Variants in RYR3 observed in about 807,000 individuals in gnomAD.
RYR3 encodes the protein ryanodine receptor 3.
In RYR3, 207 loss-of-function variants were observed where a neutral mutation model predicts 584.3. That is an observed-to-expected ratio of 0.35 (90% CI 0.32 to 0.40). RYR3 has a LOEUF of 0.40. Ranked by LOEUF, RYR3 falls within the 10% of genes least tolerant of loss-of-function variation. The pLI is 1.00. For missense variants in RYR3, 5,616 were observed against 6,089.2 expected, an observed-to-expected ratio of 0.92 and a Z score of 2.59; for synonymous variants, 2,416 against 2,248.5, an observed-to-expected ratio of 1.07 and a Z score of -2.11.
At position 33,473,602 on chromosome 15, in the gene RYR3, A is replaced by T. The variant is rs2278470; in HGVS notation, c.171+64A>T. The T allele has an allele frequency of 0.25, 377,701 of 1,537,692 alleles. 48,269 individuals carry two copies. The highest frequency in any genetic ancestry group is 0.32 in the Admixed American group (18,399 of 57,604). Reference sequence around the variant, plus strand: ...GGCGTCTGACAAAGTCATTTAGGGGAGATACTGCTGGGAGATGGTGATGAG... The same window carrying T: ...GGCGTCTGACAAAGTCATTTAGGGGTGATACTGCTGGGAGATGGTGATGAG... On this transcript the variant is annotated intron_variant, in intron 2 of 103. Coordinates refer to ENST00000634891, the MANE Select transcript of RYR3 (RefSeq NM_001036.6).
intron 1 of RYR3, among the ~76,000 whole-genome samples, chr15:33,466,148 T>G (rs1355172168): frequency 6.6e-6 from 1 of 152,114 alleles, no homozygotes; most frequent in African/African-American, 2.4e-5. Flanking sequence ...AAAATACACC[T>G]GTTTTTTAAA....
intron 1 of RYR3, among the ~76,000 whole-genome samples, chr15:33,384,743 G>A (rs2041468142): frequency 6.6e-6 from 1 of 151,630 alleles, no homozygotes; most frequent in Admixed American, 6.6e-5. Context: ...GCAATGTATT[G>A]TTAACTATAA....
At chr15:33,802,199 G>T in intron 69 of RYR3, 1 of 633,688 alleles carries the variant, frequency 1.6e-6, no homozygotes, top group Non-Finnish European at 3.0e-6. Flanking sequence ...TAAGTTTCAA[G>T]ACTTGCCTAA....
In RYR3 at chr15:33,634,597, C is replaced by A; in HGVS notation, c.3039C>A (p.Asn1013Lys). Residue 1013 changes from asparagine to lysine, a missense_variant, in exon 25 of 104, where the codon AAC (asparagine) becomes AAA (lysine). By Grantham distance (94) the Asn-to-Lys change is moderately conservative. This residue lies in a region of RYR3 where 1,284 missense variants were observed against 1,344.6 expected (regional missense o/e 0.95). Coordinates refer to ENST00000634891, the MANE Select transcript of RYR3 (RefSeq NM_001036.6). Reference protein sequence around the residue: ...WTYGIQQDLKNKRNPRLVPYA... With the variant: ...WTYGIQQDLKKKRNPRLVPYA... ...CTGGCGTCACATAGGATTTGAAGAACAAAAGAAATCCCCGTCTGGTGCCAT... is the reference window on the plus strand; with the variant it reads ...CTGGCGTCACATAGGATTTGAAGAAAAAAAGAAATCCCCGTCTGGTGCCAT... 1 of 1,613,910 alleles carries A rather than the reference C, an allele frequency of 6.2e-7. No homozygotes were observed. Among genetic ancestry groups the A allele is most frequent in the Non-Finnish European group, 8.5e-7 (1 of 1,179,850 alleles).
At chr15:33,809,805 T>C (rs933237320) in intron 70 of RYR3, among the ~76,000 whole-genome samples, 44 of 152,110 alleles carry the variant, frequency 2.9e-4, no homozygotes, top group African/African-American at 1.1e-3. Flanking sequence ...CTGGCCTGGA[T>C]TCCTCTCTTA....
intron 27 of RYR3, among the ~76,000 whole-genome samples, chr15:33,639,897 A>G (rs1490971083): frequency 6.7e-6 from 1 of 150,046 alleles, no homozygotes; most frequent in African/African-American, 2.4e-5. Flanking sequence ...AGAAGCCTCC[A>G]AGGCAAACCC....
At chr15:33,401,053 C>T (rs1430786150) in intron 1 of RYR3, among the ~76,000 whole-genome samples, 1 of 152,068 alleles carries the variant, frequency 6.6e-6, no homozygotes, top group Admixed American at 6.5e-5. Flanking sequence ...ATGTGAAAGG[C>T]ATTAGCAGCC....
intron 43 of RYR3, among the ~76,000 whole-genome samples, chr15:33,709,336 G>A (rs1324516494): frequency 6.6e-6 from 1 of 152,046 alleles, no homozygotes; most frequent in African/African-American, 2.4e-5. Context: ...TGGAGGAGGT[G>A]ATGTTAGAGA....
At chr15:33,722,487 G>A in intron 43 of RYR3, 3 of 547,038 alleles carry the variant, frequency 5.5e-6, no homozygotes, top group East Asian at 6.5e-5. Context: ...CTCAAGAGTA[G>A]ATGAGGCTGG....
At chr15:33,665,384 A>T (rs941157276) in intron 36 of RYR3, among the ~76,000 whole-genome samples, 6 of 152,236 alleles carry the variant, frequency 3.9e-5, no homozygotes, top group African/African-American at 7.2e-5. Context: ...CCTATCACAG[A>T]GTAAGCATTC....
chr15:33,820,304 C>T (rs1211204038), intron 77 of RYR3, among the ~76,000 whole-genome samples: 2 of 152,186 alleles, frequency 1.3e-5, no homozygotes, highest in Non-Finnish European at 2.9e-5. Flanking sequence ...ATAGGAGCAC[C>T]TATTCCTTGA....
intron 1 of RYR3, among the ~76,000 whole-genome samples, chr15:33,335,408 C>T (rs964689851): frequency 6.6e-6 from 1 of 152,128 alleles, no homozygotes; most frequent in Non-Finnish European, 1.5e-5. Flanking sequence ...GGCCATTGTC[C>T]TTAGCAAACT....
chr15:33,339,786 G>T (rs1971589596), intron 1 of RYR3, among the ~76,000 whole-genome samples: 1 of 151,990 alleles, frequency 6.6e-6, no homozygotes, highest in African/African-American at 2.4e-5. Context: ...CTACTCGGGA[G>T]GCTGAGGCAG....
At chr15:33,703,289 G>A (rs1033391811) in intron 42 of RYR3, among the ~76,000 whole-genome samples, 6 of 152,196 alleles carry the variant, frequency 3.9e-5, no homozygotes, top group Admixed American at 2.6e-4. Flanking sequence ...AACTTTCCTT[G>A]TAGTCAGAGA....
chr15:33,561,205 AT>A (rs2057380339), intron 10 of RYR3, among the ~76,000 whole-genome samples: 1 of 152,206 alleles, frequency 6.6e-6, no homozygotes, highest in Non-Finnish European at 1.5e-5. Flanking sequence ...TGTGCCCTTG[AT>A]TTTTTTCATA....
intron 1 of RYR3, among the ~76,000 whole-genome samples, chr15:33,326,871 T>C (rs1007347705): frequency 6.6e-6 from 1 of 152,214 alleles, no homozygotes; most frequent in Admixed American, 6.5e-5. Flanking sequence ...TTTGATAAGG[T>C]AGACTATATA....
intron 1 of RYR3, among the ~76,000 whole-genome samples, chr15:33,399,193 A>G (rs2042477159): frequency 6.6e-6 from 1 of 152,088 alleles, no homozygotes; most frequent in African/African-American, 2.4e-5. Context: ...TTTGAAATGG[A>G]GCTAAACCAT....
intron 48 of RYR3, among the ~76,000 whole-genome samples, chr15:33,732,597 C>T (rs1367621378): frequency 3.3e-5 from 5 of 152,116 alleles, no homozygotes; most frequent in South Asian, 2.1e-4. Flanking sequence ...CCAAGGAAGA[C>T]GACCCTTTCA....
At chr15:33,436,657 C>A (rs538604869) in intron 1 of RYR3, among the ~76,000 whole-genome samples, 1 of 145,330 alleles carries the variant, frequency 6.9e-6, no homozygotes, top group South Asian at 2.1e-4. Context: ...CCTGCCACCA[C>A]GCCAGGCTAA....
Sources: gnomAD v4.1 joint callset for allele counts (sites outside exome capture counted in the v4.1 genomes callset) on GRCh38, gnomAD v4.1.1 for gene constraint, gnomAD v4.1.1 regional missense constraint, MANE v1.5 for transcripts, NCBI Gene and HGNC (gene_info 2026-07-23, HGNC 2026-07-21) for gene names.